Variants in SPOP observed in about 807,000 individuals in gnomAD.
The protein encoded by SPOP is speckle-type POZ protein.
Under a neutral mutation model 45.6 loss-of-function variants are expected in SPOP, and 11 were observed. That is an observed-to-expected ratio of 0.24 (90% CI 0.15 to 0.40). SPOP has a LOEUF of 0.40. SPOP is among the 10% of genes least tolerant of loss of function. The probability of loss-of-function intolerance (pLI) is 1.00; values close to 1 mark genes in which losing one functional copy is unlikely to be tolerated. For missense variants in SPOP, 152 were observed against 465.6 expected, an observed-to-expected ratio of 0.33 and a Z score of 6.20; for synonymous variants, 166 against 166.3, an observed-to-expected ratio of 1.00 and a Z score of 0.01.
intron 5 of SPOP, among the ~76,000 whole-genome samples, chr17:49,616,463 TAACA>T (rs1481674009): frequency 2.0e-5 from 3 of 152,154 alleles, no homozygotes; most frequent in South Asian, 4.2e-4. Flanking sequence ...ATCAAACCAA[TAACA>T]AACAAAATGT....
chr17:49,629,793 A>C (rs1289338412), intron 1 of SPOP, among the ~76,000 whole-genome samples: 1 of 152,222 alleles, frequency 6.6e-6, no homozygotes, highest in Non-Finnish European at 1.5e-5. Context: ...CAGAGAATTA[A>C]ATCAACCAGT....
At chr17:49,655,801 A>T (rs1266166949) in intron 1 of SPOP, among the ~76,000 whole-genome samples, 1 of 152,124 alleles carries the variant, frequency 6.6e-6, no homozygotes, top group Non-Finnish European at 1.5e-5. Flanking sequence ...CCATAAAATA[A>T]TTTTCGAATG....
At chr17:49,660,129 T>A (rs1309235306) in intron 1 of SPOP, among the ~76,000 whole-genome samples, 5 of 152,128 alleles carry the variant, frequency 3.3e-5, no homozygotes, top group Admixed American at 3.3e-4. Flanking sequence ...CAGCTAAGAG[T>A]GAGAACCACT....
At chr17:49,677,827 G>A (rs1462428033) in intron 1 of SPOP, 106 bp downstream of exon 1, 1 of 394,106 alleles carries the variant, frequency 2.5e-6, no homozygotes, top group Non-Finnish European at 4.5e-6. Context: ...ATATGTGTGT[G>A]GCGGGGGGTG....
In SPOP at chr17:49,627,011, A is replaced by G. The variant is rs532451980; in HGVS notation, c.-66-4135T>C. Among the ~76,000 whole-genome samples the G allele has an allele frequency of 1.8e-3, 274 of 152,136 alleles. 3 individuals carry two copies. The highest frequency in any genetic ancestry group is 6.1e-3 in the African/African-American group (254 of 41,502). The stretch of plus-strand genomic sequence containing the variant: ...ACTACAGGCACCCGCCACCATGCCC[A>G]GCTAATTTTTTGTGTTTTTAGTAGA... On this transcript the variant is annotated intron_variant, in intron 1 of 9. Coordinates refer to ENST00000504102, the MANE Select transcript of SPOP (RefSeq NM_001007228.2).
intron 1 of SPOP, among the ~76,000 whole-genome samples, chr17:49,669,026 T>C (rs1426364677): frequency 6.6e-6 from 1 of 151,984 alleles, no homozygotes. Flanking sequence ...TCCGCCCATC[T>C]CGGCCTCCCA....
At chr17:49,663,212 T>C (rs184181888) in intron 1 of SPOP, among the ~76,000 whole-genome samples, 1 of 152,192 alleles carries the variant, frequency 6.6e-6, no homozygotes, top group Non-Finnish European at 1.5e-5. Flanking sequence ...AGCCATGGCA[T>C]GAGATTCTCA....
rs564531501 is a variant in SPOP at position 49,622,350 on chromosome 17, G to A, written c.79-283C>T. On this transcript the variant is annotated intron_variant, in intron 2 of 9. Transcript: ENST00000504102. ...AAAAAACCCACCACCACCATGGACAGGGCTGGGAAAGCATATGATAAAACC... is the reference window on the plus strand; with the variant it reads ...AAAAAACCCACCACCACCATGGACAAGGCTGGGAAAGCATATGATAAAACC... 12 of 565,480 alleles carry A rather than the reference G, an allele frequency of 2.1e-5. No individual in the cohort carries two copies. The East Asian group carries it at 2.2e-4, about 11-fold the overall frequency. 35.0% of individuals were successfully genotyped at this position (565,480 alleles called of 1,614,324 possible).
intron 1 of SPOP, among the ~76,000 whole-genome samples, chr17:49,655,233 C>T (rs112262300): frequency 1.4e-4 from 22 of 152,010 alleles, no homozygotes; most frequent in Non-Finnish European, 2.5e-4. Context: ...AAATTCTTGC[C>T]GGGCGCAGTG....
At chr17:49,643,137 A>G (rs2072690162) in intron 1 of SPOP, among the ~76,000 whole-genome samples, 1 of 152,254 alleles carries the variant, frequency 6.6e-6, no homozygotes, top group South Asian at 2.1e-4. Context: ...GATAGTTGAT[A>G]TATTCATGAG....
chr17:49,614,426 C>A (rs908450023), intron 5 of SPOP, among the ~76,000 whole-genome samples: 4 of 152,056 alleles, frequency 2.6e-5, no homozygotes, highest in Non-Finnish European at 5.9e-5. Context: ...AAACAAGTAA[C>A]CTAAACAATA....
At chr17:49,622,702 C>G in intron 2 of SPOP, 31 bp downstream of exon 2, 1 of 1,601,362 alleles carries the variant, frequency 6.2e-7, no homozygotes. Flanking sequence ...TCCCCAGATG[C>G]AAGATTCACA....
At chr17:49,633,167 T>C (rs1285330419) in intron 1 of SPOP, among the ~76,000 whole-genome samples, 3 of 152,240 alleles carry the variant, frequency 2.0e-5, no homozygotes, top group African/African-American at 7.2e-5. Flanking sequence ...GTATAGATTC[T>C]AAAATGATTG....
intron 8 of SPOP, 56 bp from the exon 9 acceptor site, chr17:49,602,063 T>A: frequency 6.3e-7 from 1 of 1,587,336 alleles, no homozygotes; most frequent in Non-Finnish European, 8.6e-7. Flanking sequence ...GGCTGACCAC[T>A]ACTGAAGCTG....
rs1156781114 is a variant in SPOP at position 49,647,313 on chromosome 17, TAAAAAAAAAAAA to T, written c.-66-24449_-66-24438del. ...CTACAGAGTGAGTGAGATGCCGTCT[TAAAAAAAAAAAA>T]AAAAAAAAAAAAAAAAAAGTTCTTT... is the stretch of plus-strand genomic sequence containing the variant. On this transcript the variant is annotated intron_variant, in intron 1 of 9. Coordinates refer to ENST00000504102, the MANE Select transcript of SPOP (RefSeq NM_001007228.2). 1.5e-3 allele frequency among the ~76,000 whole-genome samples: 65 copies of T among 43,156 alleles called. 1 individual carries two copies. In the Middle Eastern group the frequency reaches 0.054, roughly 36 times the overall value. 28.3% of individuals were successfully genotyped at this position (43,156 alleles called of 152,430 possible).
intron 1 of SPOP, among the ~76,000 whole-genome samples, chr17:49,634,563 A>G (rs2072510342): frequency 1.3e-5 from 2 of 152,246 alleles, no homozygotes; most frequent in Non-Finnish European, 2.9e-5. Flanking sequence ...AAATCTAAAC[A>G]GTAAACAGAT....
rs1384148557 is a variant in SPOP, at chr17:49,600,571, T to C, written c.981-49A>G. 1.9e-6 allele frequency: 3 copies of C among 1,608,660 alleles called. No homozygotes were observed. The highest frequency in any genetic ancestry group is 2.6e-6 in the Non-Finnish European group (3 of 1,176,224). On this transcript the variant is annotated intron_variant, in intron 9 of 9. Coordinates refer to ENST00000504102, the MANE Select transcript of SPOP (RefSeq NM_001007228.2). This position sits in a 1 kb window ranked among gnomAD's most constrained non-coding sequence, Gnocchi z 4.2. ...GTTACCAAAGGGAGTGAGCAAGGGATGAATTCAACAGCCACCTAGATAGCC... is the reference window on the plus strand; with the variant it reads ...GTTACCAAAGGGAGTGAGCAAGGGACGAATTCAACAGCCACCTAGATAGCC...
chr17:49,653,421 T>TAA, intron 1 of SPOP, among the ~76,000 whole-genome samples: 1 of 151,938 alleles, frequency 6.6e-6, no homozygotes, highest in African/African-American at 2.4e-5. Context: ...TATATATATA[T>TAA]AAAATACAAA....
chr17:49,669,429 TAA>T (rs34977636), intron 1 of SPOP, among the ~76,000 whole-genome samples: 33 of 90,928 alleles, frequency 3.6e-4, no homozygotes, highest in African/African-American at 9.1e-4. Context: ...AAAAATAAAT[TAA>T]AAAAAAAAAA....
Sources: gnomAD v4.1 joint callset for allele counts (sites outside exome capture counted in the v4.1 genomes callset) on GRCh38, gnomAD v4.1.1 for gene constraint, Gnocchi (gnomAD v3.1) non-coding constraint, MANE v1.5 for transcripts, NCBI Gene and HGNC (gene_info 2026-07-23, HGNC 2026-07-21) for gene names.